The following HSPA4 variants were observed in gnomAD, a reference collection of about 807,000 sequenced individuals.
HSPA4 encodes the protein heat shock protein family A (Hsp70) member 4.
Under a neutral mutation model 106.2 loss-of-function variants are expected in HSPA4, and 25 were observed. The observed-to-expected ratio is 0.24, with a 90% CI of 0.17 to 0.33. The LOEUF (loss-of-function observed/expected upper bound fraction) is 0.33. HSPA4 is among the 10% of genes least tolerant of loss of function. The pLI, the probability that HSPA4 is intolerant of heterozygous loss-of-function variation, is 1.00. For synonymous variants in HSPA4, 332 were observed against 333.6 expected (o/e 1.00, Z 0.05); for missense variants, 841 against 996.0 (o/e 0.84, Z 2.10).
intron 7 of HSPA4, among the ~76,000 whole-genome samples, chr5:133,081,244 C>T (rs924182988): frequency 3.9e-5 from 6 of 152,126 alleles, no homozygotes; most frequent in Non-Finnish European, 5.9e-5. Flanking sequence ...GATGGGGTTT[C>T]GCCATGTTGG....
intron 9 of HSPA4, 39 bp from the exon 10 acceptor site, chr5:133,089,016 A>C: frequency 8.9e-7 from 1 of 1,118,584 alleles, no homozygotes. Context: ...TATATTGTCT[A>C]TACTTGTTAA....
chr5:133,082,488 C>G (rs771636315), intron 7 of HSPA4, among the ~76,000 whole-genome samples: 3 of 151,928 alleles, frequency 2.0e-5, no homozygotes, highest in Non-Finnish European at 4.4e-5. Context: ...CTTTTTGAAA[C>G]AAGTTCTCAC....
At chr5:133,060,948 T>A (rs550110919) in intron 1 of HSPA4, among the ~76,000 whole-genome samples, 2 of 151,250 alleles carry the variant, frequency 1.3e-5, no homozygotes, top group Admixed American at 1.3e-4. Context: ...TTTTAAATAA[T>A]TTAAATTTAA....
At chr5:133,099,081 A>G (rs1197314378) in intron 15 of HSPA4, among the ~76,000 whole-genome samples, 26 of 152,006 alleles carry the variant, frequency 1.7e-4, no homozygotes, top group Admixed American at 1.7e-3. Flanking sequence ...GTAGACCAAC[A>G]TTTGCCATCC....
intron 6 of HSPA4, 28 bp downstream of exon 6, chr5:133,074,154 C>A: frequency 6.8e-7 from 1 of 1,477,506 alleles, no homozygotes; most frequent in Non-Finnish European, 9.2e-7. Context: ...TTCCAGAAGA[C>A]TGTTAGTAGT....
chr5:133,052,463 G>T, intron 1 of HSPA4, 106 bp downstream of exon 1: 1 of 768,650 alleles, frequency 1.3e-6, no homozygotes, highest in Non-Finnish European at 2.0e-6. Flanking sequence ...AGTCGCCTCC[G>T]TTCCGAGCCG....
In HSPA4 at chr5:133,105,739, G is replaced by A. The variant is rs1765848965; in HGVS notation, c.*1303G>A. Reference sequence around the variant, plus strand: ...AACAGAGTGCCTCTCTGTTACTTTTGGCCTATGTTGTTAGAAATAAGATGC... The same window carrying A: ...AACAGAGTGCCTCTCTGTTACTTTTAGCCTATGTTGTTAGAAATAAGATGC... On this transcript the variant is annotated 3_prime_UTR_variant, in exon 19 of 19. Transcript: ENST00000304858. 1 of 152,052 alleles carries A rather than the reference G, an allele frequency of 6.6e-6. No individual in the cohort carries two copies. The highest frequency in any genetic ancestry group is 1.5e-5 in the Non-Finnish European group (1 of 68,022). The allele number at this position is 152,052 out of a possible 1,614,324, so 9.4% of individuals were successfully genotyped here.
intron 13 of HSPA4, among the ~76,000 whole-genome samples, 159 bp downstream of exon 13, chr5:133,092,948 G>A (rs981852263): frequency 5.4e-5 from 8 of 149,244 alleles, no homozygotes; most frequent in African/African-American, 1.7e-4. Context: ...AGCCTGCTGA[G>A]TAGCTGGGAT....
intron 1 of HSPA4, among the ~76,000 whole-genome samples, chr5:133,062,640 A>G (rs919681378): frequency 6.6e-6 from 1 of 152,198 alleles, no homozygotes. Context: ...GCATAGTTGC[A>G]GAAAGGCTGA....
chr5:133,081,243 T>G (rs1463116027), intron 7 of HSPA4, among the ~76,000 whole-genome samples: 1 of 152,200 alleles, frequency 6.6e-6, no homozygotes, highest in Admixed American at 6.5e-5. Context: ...AGATGGGGTT[T>G]CGCCATGTTG....
At chr5:133,093,818 G>A (rs1301897917) in intron 13 of HSPA4, among the ~76,000 whole-genome samples, 1 of 152,148 alleles carries the variant, frequency 6.6e-6, no homozygotes, top group African/African-American at 2.4e-5. Flanking sequence ...CATGGGGCCT[G>A]GTTCAGTGGT....
rs1202758001 is a variant in HSPA4, at chr5:133,097,228, A to G, written c.1871A>G (p.Tyr624Cys). 3.1e-6 allele frequency: 5 copies of G among 1,612,644 alleles called. No homozygotes were observed. Among genetic ancestry groups the G allele is most frequent in the Admixed American group, 1.7e-5 (1 of 60,010 alleles). ...GATGCTAAGAACGCAGTGGAGGAATATGTGTATGAAATGAGAGACAAGCTT... is the reference window on the plus strand; with the variant it reads ...GATGCTAAGAACGCAGTGGAGGAATGTGTGTATGAAATGAGAGACAAGCTT... ...RNDAKNAVEE[Y>C]VYEMRDKLSG... Residue 624 changes from tyrosine (Y) to cysteine (C), a missense_variant, in exon 15 of 19, where the codon TAT (tyrosine) becomes TGT (cysteine). By Grantham distance (194) the Tyr-to-Cys change is radical (BLOSUM62 -2). Coordinates refer to ENST00000304858, the MANE Select transcript of HSPA4 (RefSeq NM_002154.4).
intron 7 of HSPA4, among the ~76,000 whole-genome samples, chr5:133,081,162 C>T (rs758436818): frequency 1.3e-5 from 2 of 152,088 alleles, no homozygotes; most frequent in African/African-American, 2.4e-5. Flanking sequence ...ATTCTCATGC[C>T]TCAGCCTCCT....
At chr5:133,091,040 A>T (rs1226354996) in intron 11 of HSPA4, 153 bp from the exon 12 acceptor site, 1 of 739,878 alleles carries the variant, frequency 1.4e-6, no homozygotes, top group Non-Finnish European at 2.5e-6. Context: ...TGATGATTTA[A>T]TAAGATTCTA....
At chr5:133,099,092 T>G (rs1232107592) in intron 15 of HSPA4, among the ~76,000 whole-genome samples, 2 of 152,166 alleles carry the variant, frequency 1.3e-5, no homozygotes, top group Admixed American at 1.3e-4. Flanking sequence ...TTTGCCATCC[T>G]TGTTTTCTGT....
chr5:133,075,843 A>C (rs1765440472), intron 6 of HSPA4, among the ~76,000 whole-genome samples: 1 of 150,718 alleles, frequency 6.6e-6, no homozygotes, highest in Non-Finnish European at 1.5e-5. Context: ...AAAAAGAAAA[A>C]AAAATAAAGA....
intron 13 of HSPA4, among the ~76,000 whole-genome samples, chr5:133,094,318 T>C (rs1389507181): frequency 6.6e-6 from 1 of 152,236 alleles, no homozygotes; most frequent in Non-Finnish European, 1.5e-5. Flanking sequence ...TTAAAAAGTT[T>C]CTAATTTTTA....
chr5:133,079,922 C>T (rs72801459), intron 7 of HSPA4, among the ~76,000 whole-genome samples: 2 of 152,154 alleles, frequency 1.3e-5, no homozygotes, highest in African/African-American at 2.4e-5. Context: ...TGACAGTTTG[C>T]CATGTTTATA....
chr5:133,072,745 C>T (rs1163089359), intron 4 of HSPA4, among the ~76,000 whole-genome samples: 1 of 151,896 alleles, frequency 6.6e-6, no homozygotes, highest in Non-Finnish European at 1.5e-5. Flanking sequence ...ACATTGGTAC[C>T]CTATACCTAG....
Sources: allele counts gnomAD v4.1 joint callset (sites outside exome capture counted in the v4.1 genomes callset), GRCh38; gene constraint gnomAD v4.1.1; transcripts MANE v1.5; gene names NCBI Gene and HGNC (gene_info 2026-07-23, HGNC 2026-07-21).